CNKSR3: variants seen among roughly 807,000 people sequenced by gnomAD.
CNKSR3 encodes the protein connector enhancer of kinase suppressor of ras 3.
A neutral mutation model predicts 67.7 loss-of-function variants in CNKSR3; 36 were observed. The observed-to-expected ratio is 0.53, with a 90% CI of 0.41 to 0.70. The LOEUF (loss-of-function observed/expected upper bound fraction) is 0.70. Ranked by LOEUF, CNKSR3 falls within the 30% of genes least tolerant of loss-of-function variation. The pLI is 0.00. For synonymous variants in CNKSR3, 281 were observed against 271.4 expected (o/e 1.04, Z -0.35); for missense variants, 630 against 695.2 (o/e 0.91, Z 1.05).
rs1227194889 is a variant in CNKSR3, at chr6:154,393,688, T to G, written c.*12666A>C. 1 of 152,260 alleles carries G rather than the reference T, an allele frequency of 6.6e-6. No homozygotes were observed. Among genetic ancestry groups the G allele is most frequent in the Non-Finnish European group, 1.5e-5 (1 of 68,054 alleles). The allele number at this position is 152,260 out of a possible 1,614,324, so 9.4% of individuals were successfully genotyped here. A position where few individuals can be genotyped will look rare whatever the true frequency, so the allele number is the denominator to read the frequency against. Reference sequence around the variant, plus strand: ...CTGAATTTATTAGTCTTTTCTTTTGTACTCAGCCCTTTTACTGTCTTCTAT... The same window carrying G: ...CTGAATTTATTAGTCTTTTCTTTTGGACTCAGCCCTTTTACTGTCTTCTAT... On this transcript the variant is annotated 3_prime_UTR_variant, in exon 13 of 13. Transcript: ENST00000607772.
At chr6:154,423,949 T>C (rs1319091802) in intron 7 of CNKSR3, among the ~76,000 whole-genome samples, 1 of 152,062 alleles carries the variant, frequency 6.6e-6, no homozygotes, top group African/African-American at 2.4e-5. Context: ...TATAAAGGGA[T>C]AGGCCGGGCG....
In CNKSR3 at chr6:154,507,312, G is replaced by A. The variant is rs377049692; in HGVS notation, c.52+2751C>T. Among the ~76,000 whole-genome samples, 8 of 152,296 alleles carry A rather than the reference G, an allele frequency of 5.3e-5. 1 individual carries two copies. The highest frequency in any genetic ancestry group is 1.3e-4 in the Admixed American group (2 of 15,292). ...AACAAGGAGGTGAGATCCAGCTGTC[G>A]ACTGTGGCCAGGTTTAGACAGTTTT... On this transcript the variant is annotated intron_variant, in intron 1 of 12. Transcript: ENST00000607772.
intron 1 of CNKSR3, among the ~76,000 whole-genome samples, chr6:154,493,140 C>T (rs1009277799): frequency 6.6e-6 from 1 of 152,180 alleles, no homozygotes; most frequent in African/African-American, 2.4e-5. Flanking sequence ...TCAGCTTCCC[C>T]TTGGTCACGA....
At chr6:154,424,215 AGCGAGACT>A (rs1045132249) in intron 7 of CNKSR3, among the ~76,000 whole-genome samples, 8 of 147,448 alleles carry the variant, frequency 5.4e-5, no homozygotes, top group African/African-American at 2.0e-4. Context: ...TAGGCGACAG[AGCGAGACT>A]CCGTCTCAAA....
chr6:154,475,663 A>G (rs926664856), intron 1 of CNKSR3, among the ~76,000 whole-genome samples: 17 of 152,140 alleles, frequency 1.1e-4, no homozygotes, highest in Non-Finnish European at 1.6e-4. Context: ...TCTTCTGGGG[A>G]CAGGAGGACT....
chr6:154,501,385 A>G (rs75753287), intron 1 of CNKSR3, among the ~76,000 whole-genome samples: 67 of 152,278 alleles, frequency 4.4e-4, no homozygotes, highest in African/African-American at 1.6e-3. Flanking sequence ...TAAAAAATAA[A>G]AATAAAAAAT....
chr6:154,491,906 T>C (rs1786790414), intron 1 of CNKSR3, among the ~76,000 whole-genome samples: 1 of 152,194 alleles, frequency 6.6e-6, no homozygotes, highest in South Asian at 2.1e-4. Flanking sequence ...ATAAAACGCA[T>C]TCAGCATCCT....
At chr6:154,414,562 T>C (rs1402221845) in intron 9 of CNKSR3, 139 bp from the exon 10 acceptor site, 2 of 856,302 alleles carry the variant, frequency 2.3e-6, no homozygotes, top group African/African-American at 1.7e-5. Context: ...TTTACAGATA[T>C]TGGCAATATT....
intron 1 of CNKSR3, among the ~76,000 whole-genome samples, chr6:154,486,098 C>T (rs955664670): frequency 2.0e-5 from 3 of 152,124 alleles, no homozygotes; most frequent in Admixed American, 6.6e-5. Flanking sequence ...AGAGATATGG[C>T]CTTCAAGGGT....
intron 1 of CNKSR3, among the ~76,000 whole-genome samples, chr6:154,509,823 C>T (rs369691915): frequency 1.3e-5 from 2 of 152,174 alleles, no homozygotes; most frequent in African/African-American, 4.8e-5. Context: ...CACCCCTACT[C>T]CCTGGTTTAA....
intron 9 of CNKSR3, among the ~76,000 whole-genome samples, chr6:154,415,563 C>A (rs1440722195): frequency 6.6e-6 from 1 of 152,246 alleles, no homozygotes; most frequent in East Asian, 1.9e-4. Flanking sequence ...GCAAGTCACA[C>A]AATGTCTCTG....
At chr6:154,495,135 G>T (rs1786851564) in intron 1 of CNKSR3, among the ~76,000 whole-genome samples, 1 of 152,140 alleles carries the variant, frequency 6.6e-6, no homozygotes, top group Non-Finnish European at 1.5e-5. Context: ...CATTTCGCGT[G>T]CCAGGCTGCA....
At chr6:154,407,029 CCA>C (rs1056141095) in intron 12 of CNKSR3, among the ~76,000 whole-genome samples, 1 of 152,052 alleles carries the variant, frequency 6.6e-6, no homozygotes, top group Non-Finnish European at 1.5e-5. Context: ...CAGACTTCTG[CCA>C]CCACCCTGAA....
chr6:154,410,311 G>C (rs1784882931), intron 12 of CNKSR3, 32 bp downstream of exon 12: 1 of 1,524,414 alleles, frequency 6.6e-7, no homozygotes, highest in Non-Finnish European at 9.1e-7. Context: ...CTCCCCATTT[G>C]CTGTTCCTTG....
At chr6:154,475,698 C>T (rs897817760) in intron 1 of CNKSR3, among the ~76,000 whole-genome samples, 1 of 152,172 alleles carries the variant, frequency 6.6e-6, no homozygotes, top group Non-Finnish European at 1.5e-5. Flanking sequence ...CTTCCTGGGG[C>T]GGAGCCACCC....
At chr6:154,483,168 C>G (rs554202397) in intron 1 of CNKSR3, among the ~76,000 whole-genome samples, 2 of 152,330 alleles carry the variant, frequency 1.3e-5, no homozygotes, top group African/African-American at 4.8e-5. Flanking sequence ...AGCATTCTCC[C>G]TAACCCTTCC....
chr6:154,409,905 G>T (rs1397448064), intron 12 of CNKSR3, among the ~76,000 whole-genome samples: 1 of 120,536 alleles, frequency 8.3e-6, no homozygotes, highest in African/African-American at 3.2e-5. Flanking sequence ...AAATTAGCCA[G>T]CCGTGGTGGC....
At chr6:154,488,444 C>T (rs1246918707) in intron 1 of CNKSR3, among the ~76,000 whole-genome samples, 1 of 152,144 alleles carries the variant, frequency 6.6e-6, no homozygotes, top group African/African-American at 2.4e-5. Context: ...TTCATGAGAG[C>T]ATGACTTTAG....
chr6:154,479,640 A>G (rs1168258715), intron 1 of CNKSR3, among the ~76,000 whole-genome samples: 1 of 152,220 alleles, frequency 6.6e-6, no homozygotes, highest in Non-Finnish European at 1.5e-5. Context: ...GCCCCCCACT[A>G]CAATTCAAGA....
Sources: gnomAD v4.1 joint callset for allele counts (sites outside exome capture counted in the v4.1 genomes callset) on GRCh38, gnomAD v4.1.1 for gene constraint, MANE v1.5 for transcripts, NCBI Gene and HGNC (gene_info 2026-07-23, HGNC 2026-07-21) for gene names.